The following GAB2 variants were observed in gnomAD, a reference collection of about 807,000 sequenced individuals.
GAB2 encodes GRB2 associated binding protein 2.
A neutral mutation model predicts 65.5 loss-of-function variants in GAB2; 26 were observed. The ratio of observed to expected loss-of-function variants is 0.40; its 90% CI spans 0.29 to 0.55. GAB2 has a LOEUF of 0.55. GAB2 is among the 20% of genes least tolerant of loss of function. The pLI, the probability that GAB2 is intolerant of heterozygous loss-of-function variation, is 0.53. For missense variants in GAB2, 884 were observed against 875.8 expected (o/e 1.01, Z -0.12); for synonymous variants, 321 against 329.6 (o/e 0.97, Z 0.28).
intron 1 of GAB2, among the ~76,000 whole-genome samples, chr11:78,293,706 A>T (rs1356761797): frequency 1.3e-5 from 2 of 152,198 alleles, no homozygotes; most frequent in Admixed American, 1.3e-4. Flanking sequence ...ATTCAACTCC[A>T]GGACCTTTGT....
chr11:78,265,203 C>CACATAT (rs1554980506), intron 2 of GAB2, among the ~76,000 whole-genome samples: 2 of 144,842 alleles, frequency 1.4e-5, no homozygotes, highest in African/African-American at 2.5e-5. Flanking sequence ...TTCTATACCA[C>CACATAT]ATATATATAT....
intron 1 of GAB2, among the ~76,000 whole-genome samples, chr11:78,370,585 G>C (rs915147370): frequency 1.3e-5 from 2 of 152,038 alleles, no homozygotes; most frequent in East Asian, 3.9e-4. Context: ...AGAATAGGAG[G>C]GAAAGGAAAC....
rs530105624 is a variant in GAB2, at chr11:78,396,152, TATAA to T, written c.75+21490_75+21493del. On this transcript the variant is annotated intron_variant, in intron 1 of 9. Transcript: ENST00000361507. ...ATCAGAAAGGACAGAGGTGACAGCT[TATAA>T]ATAATGTGGTCATACCAATTAAAAG... Among the ~76,000 whole-genome samples the T allele has an allele frequency of 6.2e-4, 94 of 152,318 alleles. 2 individuals are homozygous for T. Among genetic ancestry groups the T allele is most frequent in the Admixed American group, 6.1e-3 (94 of 15,300 alleles).
chr11:78,365,452 T>C (rs1856484354), intron 1 of GAB2, among the ~76,000 whole-genome samples: 1 of 152,200 alleles, frequency 6.6e-6, no homozygotes, highest in East Asian at 1.9e-4. Context: ...TGCAGCGCCC[T>C]CCTCAACTAA....
At chr11:78,244,934 G>A (rs542148407) in intron 3 of GAB2, among the ~76,000 whole-genome samples, 1 of 152,256 alleles carries the variant, frequency 6.6e-6, no homozygotes, top group South Asian at 2.1e-4. Flanking sequence ...CCCATTACTG[G>A]GTATATATCT....
chr11:78,409,068 A>G (rs1465014602), intron 1 of GAB2, among the ~76,000 whole-genome samples: 1 of 152,228 alleles, frequency 6.6e-6, no homozygotes, highest in Non-Finnish European at 1.5e-5. Flanking sequence ...AAGTAAATTG[A>G]TGGAAAAGAT....
intron 1 of GAB2, among the ~76,000 whole-genome samples, chr11:78,343,446 A>G (rs1203166095): frequency 6.6e-6 from 1 of 151,568 alleles, no homozygotes; most frequent in African/African-American, 2.4e-5. Context: ...GGAGAGGGAG[A>G]AGGAGAGGGA....
intron 1 of GAB2, among the ~76,000 whole-genome samples, chr11:78,387,543 A>G (rs1026676539): frequency 1.8e-4 from 28 of 152,250 alleles, no homozygotes; most frequent in African/African-American, 6.5e-4. Flanking sequence ...CACGATAGAA[A>G]AGGATGTGTA....
chr11:78,333,842 C>A (rs1470283473), intron 1 of GAB2, among the ~76,000 whole-genome samples: 1 of 152,144 alleles, frequency 6.6e-6, no homozygotes, highest in Non-Finnish European at 1.5e-5. Flanking sequence ...CATTTCTATC[C>A]TCATTTTCAG....
chr11:78,305,791 C>G (rs1230704511), intron 1 of GAB2, among the ~76,000 whole-genome samples: 4 of 152,198 alleles, frequency 2.6e-5, no homozygotes, highest in Non-Finnish European at 5.9e-5. Context: ...GTCCGGGATG[C>G]ATTCCCAAGG....
At chr11:78,347,520 T>A (rs1311939390) in intron 1 of GAB2, among the ~76,000 whole-genome samples, 1 of 152,206 alleles carries the variant, frequency 6.6e-6, no homozygotes, top group South Asian at 2.1e-4. Flanking sequence ...AAAATAAGGA[T>A]AATTATCTTA....
intron 2 of GAB2, among the ~76,000 whole-genome samples, chr11:78,255,172 G>A (rs924179964): frequency 2.0e-5 from 3 of 152,076 alleles, no homozygotes; most frequent in African/African-American, 4.8e-5. Context: ...GGTAGAGATC[G>A]AAATGATGTA....
chr11:78,345,109 G>A lies in GAB2; in HGVS notation c.76-64208C>T, dbSNP rs1216957528. On this transcript the variant is annotated intron_variant, in intron 1 of 9. Transcript: ENST00000361507. ...AGCCCGCGCAACATGGCAAAACCCC[G>A]TCTCTACTAAAAATACAAAAATTAG... is the stretch of plus-strand genomic sequence containing the variant. Among the ~76,000 whole-genome samples the A allele has an allele frequency of 4.6e-5, 7 of 152,146 alleles. No homozygotes were observed. The South Asian group carries it at 6.2e-4, about 14-fold the overall frequency.
chr11:78,297,442 A>C (rs1866863669), intron 1 of GAB2, among the ~76,000 whole-genome samples: 1 of 152,102 alleles, frequency 6.6e-6, no homozygotes, highest in Non-Finnish European at 1.5e-5. Flanking sequence ...CATGGAAAAC[A>C]CTTATTCAGT....
chr11:78,277,843 T>G (rs1866216967), intron 2 of GAB2, among the ~76,000 whole-genome samples: 1 of 152,186 alleles, frequency 6.6e-6, no homozygotes, highest in Non-Finnish European at 1.5e-5. Context: ...CTCTTCCAAG[T>G]GTTCTTTACT....
intron 2 of GAB2, 103 bp downstream of exon 2, chr11:78,280,498 T>C: frequency 1.1e-6 from 1 of 931,684 alleles, no homozygotes; most frequent in East Asian, 2.4e-5. Context: ...CTATGAACGC[T>C]CTTCCAACAG....
chr11:78,266,356 A>G (rs1412312141), intron 2 of GAB2, among the ~76,000 whole-genome samples: 1 of 152,018 alleles, frequency 6.6e-6, no homozygotes, highest in Admixed American at 6.6e-5. Flanking sequence ...CCCAATCCCA[A>G]ACTGTGCTCC....
chr11:78,373,116 T>C (rs1429287093), intron 1 of GAB2, among the ~76,000 whole-genome samples: 1 of 152,206 alleles, frequency 6.6e-6, no homozygotes, highest in East Asian at 1.9e-4. Context: ...TGAATACTAA[T>C]ATGAATAACT....
Position 78,266,311 on chromosome 11 carries a change from C to T in GAB2, c.376+14290G>A, listed in dbSNP as rs534308279. Among the ~76,000 whole-genome samples, 18 of 151,730 alleles carry T rather than the reference C, an allele frequency of 1.2e-4. No homozygotes were observed. In the East Asian group the frequency reaches 2.1e-3, roughly 18 times the overall value. On this transcript the variant is annotated intron_variant, in intron 2 of 9. Coordinates refer to ENST00000361507, the MANE Select transcript of GAB2 (RefSeq NM_080491.3). Reference sequence around the variant, plus strand: ...GATCTAAAGAGGAATAAGACGCGTCCTTACCCTTGTCTCCCATGCATCTCC... The same window carrying T: ...GATCTAAAGAGGAATAAGACGCGTCTTTACCCTTGTCTCCCATGCATCTCC...
Sources: gnomAD v4.1 joint callset for allele counts (sites outside exome capture counted in the v4.1 genomes callset) on GRCh38, gnomAD v4.1.1 for gene constraint, MANE v1.5 for transcripts, NCBI Gene and HGNC (gene_info 2026-07-23, HGNC 2026-07-21) for gene names.